The following TMEM38B variants were observed in gnomAD, a reference collection of about 807,000 sequenced individuals.
The protein encoded by TMEM38B is transmembrane protein 38B.
A neutral mutation model predicts 28.7 loss-of-function variants in TMEM38B; 24 were observed. The ratio of observed to expected loss-of-function variants is 0.84; its 90% CI spans 0.61 to 1.18. The LOEUF is 1.18. TMEM38B is among the 50% of genes most tolerant of loss of function. TMEM38B has a pLI of 0.00. For missense variants in TMEM38B, 380 were observed against 350.9 expected, an observed-to-expected ratio of 1.08 and a Z score of -0.66; for synonymous variants, 131 against 127.7, an observed-to-expected ratio of 1.03 and a Z score of -0.17.
At chr9:105,727,931 G>A (rs940866602) in intron 4 of TMEM38B, among the ~76,000 whole-genome samples, 3 of 152,096 alleles carry the variant, frequency 2.0e-5, no homozygotes, top group South Asian at 4.1e-4. Flanking sequence ...GTCTCACCAT[G>A]TGATGTCCTC....
In TMEM38B at chr9:105,773,887, C is replaced by T. The variant is rs771679148; in HGVS notation, c.683C>T (p.Thr228Ile). ...CAGATAACCATGATGACTACACAGA[C>T]TTCTACTATGACATTTGCTCCTTTT... ...ATKITMMTTQ[T>I]STMTFAPFED... is the part of the protein sequence containing the mutation. The change falls in exon 6 of 6, where the codon ACT (threonine) becomes ATT (isoleucine). Residue 228 changes from threonine (T) to isoleucine (I), a missense_variant. Transcript: ENST00000374692. 1 of 1,613,486 alleles carries T rather than the reference C, an allele frequency of 6.2e-7. No individual in the cohort carries two copies. Among genetic ancestry groups the T allele is most frequent in the Non-Finnish European group, 8.5e-7 (1 of 1,179,656 alleles).
intron 1 of TMEM38B, among the ~76,000 whole-genome samples, chr9:105,700,244 C>T (rs1478193455): frequency 6.6e-6 from 1 of 152,018 alleles, no homozygotes; most frequent in Non-Finnish European, 1.5e-5. Flanking sequence ...CTGTTATAGC[C>T]CTAAAGAGAC....
intron 4 of TMEM38B, among the ~76,000 whole-genome samples, chr9:105,728,805 T>G (rs2133587533): frequency 1.3e-5 from 2 of 152,352 alleles, no homozygotes; most frequent in Middle Eastern, 6.8e-3. Context: ...ATTGTGGTTT[T>G]GATTTGCATT....
At chr9:105,711,620 G>A (rs564835501) in intron 2 of TMEM38B, among the ~76,000 whole-genome samples, 1 of 151,936 alleles carries the variant, frequency 6.6e-6, no homozygotes, top group African/African-American at 2.4e-5. Context: ...CTGAGGCATC[G>A]CTTGAGCCCA....
chr9:105,741,934 T>A (rs1837223082), intron 4 of TMEM38B, among the ~76,000 whole-genome samples: 1 of 152,134 alleles, frequency 6.6e-6, no homozygotes, highest in Admixed American at 6.6e-5. Flanking sequence ...GACTCCTGGA[T>A]CCATTCAATT....
intron 1 of TMEM38B, among the ~76,000 whole-genome samples, chr9:105,700,167 G>T (rs1016567541): frequency 1.3e-5 from 2 of 152,056 alleles, no homozygotes; most frequent in Admixed American, 6.6e-5. Flanking sequence ...ATTAATTTTA[G>T]CAAATATTCA....
At chr9:105,724,354 G>A (rs1254594828) in intron 4 of TMEM38B, among the ~76,000 whole-genome samples, 1 of 152,120 alleles carries the variant, frequency 6.6e-6, no homozygotes, top group Non-Finnish European at 1.5e-5. Context: ...GAAGGTTGAG[G>A]CTGGGCACGG....
intron 5 of TMEM38B, among the ~76,000 whole-genome samples, chr9:105,761,522 A>G (rs1283265969): frequency 1.3e-5 from 2 of 152,206 alleles, no homozygotes; most frequent in Non-Finnish European, 2.9e-5. Context: ...AGTGATAAAT[A>G]AAACATATAA....
At chr9:105,771,639 AT>A (rs1176366627) in intron 5 of TMEM38B, among the ~76,000 whole-genome samples, 1 of 152,132 alleles carries the variant, frequency 6.6e-6, no homozygotes, top group African/African-American at 2.4e-5. Flanking sequence ...AGTGTATCTC[AT>A]TGTAACTATT....
intron 4 of TMEM38B, among the ~76,000 whole-genome samples, chr9:105,733,226 G>C (rs1460442488): frequency 6.6e-6 from 1 of 152,104 alleles, no homozygotes; most frequent in Admixed American, 6.6e-5. Flanking sequence ...TTGGGGTGGA[G>C]AGTTCTGTAG....
At chr9:105,748,319 G>C (rs1837510316) in intron 5 of TMEM38B, 129 bp downstream of exon 5, 1 of 669,300 alleles carries the variant, frequency 1.5e-6, no homozygotes, top group South Asian at 2.0e-5. Flanking sequence ...ATAATTTGGG[G>C]AGCTTTACTC....
At chr9:105,749,196 G>A in intron 5 of TMEM38B, 1 of 967,960 alleles carries the variant, frequency 1.0e-6, no homozygotes, top group Non-Finnish European at 1.4e-6. Flanking sequence ...TTTTCTAACA[G>A]CTTTATTGAG....
chr9:105,733,998 C>T (rs1204958545), intron 4 of TMEM38B, among the ~76,000 whole-genome samples: 1 of 150,812 alleles, frequency 6.6e-6, no homozygotes, highest in African/African-American at 2.4e-5. Context: ...TTTGGGTTTA[C>T]TTTGTTCTTT....
At chr9:105,760,328 T>G in intron 5 of TMEM38B, 1 of 776,230 alleles carries the variant, frequency 1.3e-6, no homozygotes, top group East Asian at 2.4e-5. Flanking sequence ...GCTGGAAGAT[T>G]AGTTTCTTTC....
chr9:105,747,817 C>T (rs533685547), intron 4 of TMEM38B, among the ~76,000 whole-genome samples: 1 of 152,200 alleles, frequency 6.6e-6, no homozygotes, highest in East Asian at 1.9e-4. Context: ...TTTATTTCTG[C>T]CTTCATTTTG....
intron 5 of TMEM38B, among the ~76,000 whole-genome samples, chr9:105,765,220 G>C (rs1044817011): frequency 6.6e-6 from 1 of 152,070 alleles, no homozygotes; most frequent in Non-Finnish European, 1.5e-5. Flanking sequence ...AAAATTATTT[G>C]GGGTTTAGTT....
In TMEM38B at chr9:105,695,184, C is replaced by T. The variant is rs1389612566; in HGVS notation, c.112+412C>T. ...CTCGCTCGCAGTGTCGCCACTCGCT[C>T]GCAGTGTCGCCACTCGCTCGCAGTG... On this transcript the variant is annotated intron_variant, in intron 1 of 5. Coordinates refer to ENST00000374692, the MANE Select transcript of TMEM38B (RefSeq NM_018112.3). Among the ~76,000 whole-genome samples, 3 of 152,160 alleles carry T rather than the reference C, an allele frequency of 2.0e-5. No homozygotes were observed. In the East Asian group the frequency reaches 5.8e-4, roughly 29 times the overall value.
chr9:105,747,342 A>C (rs1287613493), intron 4 of TMEM38B, among the ~76,000 whole-genome samples: 2,614 of 128,726 alleles, frequency 0.02, no homozygotes, highest in Non-Finnish European at 0.025. Context: ...CATTTCTTCT[A>C]GATTTTCTAG....
In TMEM38B at chr9:105,705,888, AATAAT is replaced by A. The variant is rs565068755; in HGVS notation, c.269+136_269+140del. 208 of 900,134 alleles carry A rather than the reference AATAAT, an allele frequency of 2.3e-4. 1 individual carries two copies. The African/African-American group carries it at 3.2e-3, about 14-fold the overall frequency. 55.8% of individuals were successfully genotyped at this position (900,134 alleles called of 1,614,324 possible). On this transcript the variant is annotated intron_variant, in intron 2 of 5. Transcript: ENST00000374692. ...AATGCATCTGCAAGGAAGGAACCCA[AATAAT>A]GCTAAGGGGTTTTTTTTTTTTTTTT...
Sources: gnomAD v4.1 joint callset for allele counts (sites outside exome capture counted in the v4.1 genomes callset) on GRCh38, gnomAD v4.1.1 for gene constraint, MANE v1.5 for transcripts, NCBI Gene and HGNC (gene_info 2026-07-23, HGNC 2026-07-21) for gene names.